TMLHE: variants seen among roughly 807,000 people sequenced by gnomAD.
TMLHE encodes the protein trimethyllysine hydroxylase, epsilon.
TMLHE carries 18 observed loss-of-function variants against 25.7 expected under a neutral mutation model. That is an observed-to-expected ratio of 0.70 (90% CI 0.48 to 1.04). TMLHE has a LOEUF of 1.04. Ranked by LOEUF, TMLHE falls within the 50% of genes least tolerant of loss-of-function variation. The pLI is 0.00. For synonymous variants in TMLHE, 105 were observed against 97.0 expected (o/e 1.08, Z -0.49); for missense variants, 236 against 259.0 (o/e 0.91, Z 0.61).
At chrX:155,561,810 A>G (rs1236710558) in intron 1 of TMLHE, among the ~76,000 whole-genome samples, 1 of 62,249 alleles carries the variant, frequency 1.6e-5, no homozygotes, top group African/African-American at 3.6e-5. Context: ...CTCCAAAATA[A>G]TCTCCTTTGA....
chrX:155,611,009 G>A (rs1314843331), intron 1 of TMLHE, among the ~76,000 whole-genome samples: 4 of 111,840 alleles, frequency 3.6e-5, no homozygotes, highest in Non-Finnish European at 7.5e-5. Flanking sequence ...GCAGACACCA[G>A]GTCCTGCCAA....
chrX:155,556,729 G>T (rs1253530993), intron 1 of TMLHE, among the ~76,000 whole-genome samples: 1 of 110,256 alleles, frequency 9.1e-6, no homozygotes. Flanking sequence ...AGATCAACCG[G>T]TCTGACCAAA....
chrX:155,538,241 T>C (rs2067291314), intron 2 of TMLHE, among the ~76,000 whole-genome samples: 1 of 111,784 alleles, frequency 8.9e-6, no homozygotes, highest in African/African-American at 3.2e-5. Context: ...TTCCTATGCC[T>C]GGCTTATTTC....
chrX:155,522,165 ATTTT>A (rs1202625667), intron 3 of TMLHE, among the ~76,000 whole-genome samples: 1 of 111,817 alleles, frequency 8.9e-6, no homozygotes. Context: ...TTTCTATGGC[ATTTT>A]TTTTCTATTG....
intron 1 of TMLHE, among the ~76,000 whole-genome samples, chrX:155,605,288 C>G (rs1171721626): frequency 9.0e-6 from 1 of 111,565 alleles, no homozygotes; most frequent in African/African-American, 3.3e-5. Flanking sequence ...CTAGAAAGGA[C>G]AACATTCAAA....
chrX:155,583,817 G>A (rs1557344932), intron 1 of TMLHE, among the ~76,000 whole-genome samples: 2 of 111,101 alleles, frequency 1.8e-5, no homozygotes, highest in South Asian at 3.8e-4. Flanking sequence ...AAGGGTAGGA[G>A]GGGAGTGAGG....
In TMLHE at chrX:155,563,278, G is replaced by C. The variant is rs1457251914; in HGVS notation, c.-1-18001C>G. ...TAAAATTATGGCAGAAGGTAAAGGG[G>C]AAGCAATGCACACCTTACATGGTAG... On this transcript the variant is annotated intron_variant, in intron 1 of 7. Coordinates refer to ENST00000334398, the MANE Select transcript of TMLHE (RefSeq NM_018196.4). 3.2e-5 allele frequency among the ~76,000 whole-genome samples: 2 copies of C among 62,548 alleles called. 1 individual carries two copies. The highest frequency in any genetic ancestry group is 9.0e-5 in the Non-Finnish European group (2 of 22,261). The allele number at this position is 62,548 out of a possible 115,157, so 54.3% of individuals were successfully genotyped here. A position where few individuals can be genotyped will look rare whatever the true frequency, so the allele number is the denominator to read the frequency against.
At chrX:155,569,820 C>G (rs12353904) in intron 1 of TMLHE, among the ~76,000 whole-genome samples, 5,071 of 54,544 alleles carry the variant, frequency 0.093, 1,273 homozygotes, top group African/African-American at 0.12. Flanking sequence ...TGCCCTAAAA[C>G]AGCTCCTGAA....
intron 1 of TMLHE, among the ~76,000 whole-genome samples, chrX:155,603,622 T>C (rs1347842122): frequency 8.9e-6 from 1 of 111,976 alleles, no homozygotes; most frequent in Non-Finnish European, 1.9e-5. Flanking sequence ...TAAACCCTTA[T>C]ATTTATGGTC....
At chrX:155,603,365 A>AGAAT (rs1316600213) in intron 1 of TMLHE, among the ~76,000 whole-genome samples, 1,057 of 45,973 alleles carry the variant, frequency 0.023, 6 homozygotes, top group Middle Eastern at 0.06. Context: ...AAGAAAAGAA[A>AGAAT]GAATGAAAGA....
intron 1 of TMLHE, among the ~76,000 whole-genome samples, chrX:155,549,599 T>C (rs1404605202): frequency 9.0e-6 from 1 of 110,576 alleles, no homozygotes; most frequent in Non-Finnish European, 1.9e-5. Flanking sequence ...ATTATCCTTT[T>C]TATACATTGT....
At chrX:155,611,521 G>A (rs1418026388) in intron 1 of TMLHE, 1 of 111,139 alleles carries the variant, frequency 9.0e-6, no homozygotes, top group Non-Finnish European at 1.9e-5. Flanking sequence ...TGAAACAGAG[G>A]CCAAAACAAG....
Position 155,557,775 on chromosome X carries a change from C to T in TMLHE, c.-1-12498G>A, listed in dbSNP as rs113007975. 2.0e-3 allele frequency among the ~76,000 whole-genome samples: 221 copies of T among 111,201 alleles called. 1 individual carries two copies. Among genetic ancestry groups the T allele is most frequent in the African/African-American group, 6.9e-3 (210 of 30,628 alleles). On this transcript the variant is annotated intron_variant, in intron 1 of 7. Transcript: ENST00000334398. ...AATTCTAGTCTCATTCAACCAGTTG[C>T]GTAACTCAAAAATCAGTGCTTCAAA...
intron 1 of TMLHE, among the ~76,000 whole-genome samples, chrX:155,571,153 G>T (rs370678127): frequency 1.8e-5 from 1 of 56,755 alleles, no homozygotes; most frequent in Admixed American, 2.1e-4. Context: ...AAAGGGGATA[G>T]CACCACCACT....
chrX:155,585,642 G>T (rs1381803845), intron 1 of TMLHE, among the ~76,000 whole-genome samples: 1 of 111,618 alleles, frequency 9.0e-6, no homozygotes, highest in East Asian at 2.8e-4. Flanking sequence ...CTCAGCATTA[G>T]ACAGATCATC....
At chrX:155,542,676 T>C (rs1323114096) in intron 2 of TMLHE, among the ~76,000 whole-genome samples, 1 of 111,900 alleles carries the variant, frequency 8.9e-6, no homozygotes, top group Non-Finnish European at 1.9e-5. Context: ...TCTCTCACTT[T>C]TGAAGGATCA....
intron 1 of TMLHE, among the ~76,000 whole-genome samples, chrX:155,549,392 G>T (rs1005755861): frequency 9.1e-6 from 1 of 109,843 alleles, no homozygotes; most frequent in African/African-American, 3.4e-5. Context: ...TTTTCTGGTT[G>T]GGGAAGTTTC....
intron 4 of TMLHE, among the ~76,000 whole-genome samples, chrX:155,512,839 ATTG>A (rs2067126971): frequency 3.6e-5 from 4 of 111,909 alleles, no homozygotes; most frequent in Non-Finnish European, 5.6e-5. Flanking sequence ...TTGCTGTACC[ATTG>A]TTGTTGTGTC....
At chrX:155,546,317 GA>G (rs1460196709) in intron 1 of TMLHE, among the ~76,000 whole-genome samples, 1 of 111,301 alleles carries the variant, frequency 9.0e-6, no homozygotes, top group Non-Finnish European at 1.9e-5. Flanking sequence ...CATAGTTTTA[GA>G]AAAATTAATA....
Sources: gnomAD v4.1 joint callset for allele counts (sites outside exome capture counted in the v4.1 genomes callset) on GRCh38, gnomAD v4.1.1 for gene constraint, MANE v1.5 for transcripts, NCBI Gene and HGNC (gene_info 2026-07-23, HGNC 2026-07-21) for gene names.